The following LDHAL6B variants were observed in gnomAD, a reference collection of about 807,000 sequenced individuals.
The protein encoded by LDHAL6B is L-lactate dehydrogenase A-like 6B.
For missense variants in LDHAL6B, 523 were observed against 473.9 expected, an observed-to-expected ratio of 1.10 and a Z score of -0.96; for synonymous variants, 205 against 170.6, an observed-to-expected ratio of 1.20 and a Z score of -1.57.
chr15:59,207,134 A>C lies in LDHAL6B; in HGVS notation c.194A>C (p.Lys65Thr). 1 of 1,614,222 alleles carries C rather than the reference A, an allele frequency of 6.2e-7. No homozygotes were observed. Among genetic ancestry groups the C allele is most frequent in the Non-Finnish European group, 8.5e-7 (1 of 1,180,038 alleles). ...CTTATTGAGCGTTTCACTTCCGAGA[A>C]GCCCGTTCATCACAGTAAGGTCTCC... Reference protein sequence around the residue: ...SELIERFTSEKPVHHSKVSII... With the variant: ...SELIERFTSETPVHHSKVSII... The change falls in exon 1 of 1, where the codon AAG becomes ACG. Residue 65 changes from lysine to threonine, a missense_variant. Transcript: ENST00000307144.
At position 59,208,524 on chromosome 15, in the gene LDHAL6B, T is replaced by C. The variant is rs2079855412; in HGVS notation, c.*438T>C. 1 of 868,594 alleles carries C rather than the reference T, an allele frequency of 1.2e-6. No homozygotes were observed. Among genetic ancestry groups the C allele is most frequent in the African/African-American group, 1.7e-5 (1 of 59,142 alleles). The allele number at this position is 868,594 out of a possible 1,614,324, so 53.8% of individuals were successfully genotyped here. On this transcript the variant is annotated 3_prime_UTR_variant, in exon 1 of 1. Coordinates refer to ENST00000307144, the MANE Select transcript of LDHAL6B (RefSeq NM_033195.3). ...ATGTACATACAAAAAAATGCAGTAG[T>C]ATATACAATCTTTTGTTTTGCTTCC...
In LDHAL6B at chr15:59,206,905, T is replaced by C; in HGVS notation, c.-36T>C. Reference sequence around the variant, plus strand: ...CTCAACGTTCGGATCAGCAGCTTTTTTCCATTCTCTCTCTCCACTTCTTCA... The same window carrying C: ...CTCAACGTTCGGATCAGCAGCTTTTCTCCATTCTCTCTCTCCACTTCTTCA... On this transcript the variant is annotated 5_prime_UTR_variant, in exon 1 of 1. Coordinates refer to ENST00000307144, the MANE Select transcript of LDHAL6B (RefSeq NM_033195.3). 1 of 1,585,718 alleles carries C rather than the reference T, an allele frequency of 6.3e-7. No homozygotes were observed. Among genetic ancestry groups the C allele is most frequent in the South Asian group, 1.2e-5 (1 of 86,678 alleles).
chr15:59,207,013 G>C lies in LDHAL6B; in HGVS notation c.73G>C (p.Gly25Arg). 5 of 1,614,202 alleles carry C rather than the reference G, an allele frequency of 3.1e-6. No homozygotes were observed. Among genetic ancestry groups the C allele is most frequent in the Non-Finnish European group, 4.2e-6 (5 of 1,180,036 alleles). Residue 25 changes from glycine to arginine, a missense_variant, in exon 1 of 1, where the codon GGG (glycine) becomes CGG (arginine). Transcript: ENST00000307144. ...SSVGANFLCL[G>R]MALCPRQATR... ...GGTGGGAGCGAATTTCCTATGCCTGGGGATGGCCCTGTGTCCGCGTCAAGC... is the reference window on the plus strand; with the variant it reads ...GGTGGGAGCGAATTTCCTATGCCTGCGGATGGCCCTGTGTCCGCGTCAAGC...
chr15:59,206,874 T>C lies in LDHAL6B; in HGVS notation c.-67T>C, dbSNP rs1219470290. The C allele has an allele frequency of 6.0e-6, 9 of 1,506,620 alleles. No individual in the cohort carries two copies. In the Admixed American group the frequency reaches 1.6e-4, roughly 27 times the overall value. 93.3% of individuals were successfully genotyped at this position (1,506,620 alleles called of 1,614,324 possible). On this transcript the variant is annotated 5_prime_UTR_variant, in exon 1 of 1. Transcript: ENST00000307144. ...CTGAAGGTCCTGCCAACGGCTCTCT[T>C]GGCGTCTCAACGTTCGGATCAGCAG...
At position 59,207,379 on chromosome 15, in the gene LDHAL6B, G is replaced by T. The variant is rs750207330; in HGVS notation, c.439G>T (p.Ala147Ser). The T allele has an allele frequency of 6.2e-6, 10 of 1,614,066 alleles. No individual in the cohort carries two copies. The Middle Eastern group carries it at 5.0e-4, about 80-fold the overall frequency. ...NSNLVIITAG[A>S]RQEKGETRLN... ...CAACCTAGTGATTATCACAGCAGGT[G>T]CACGCCAAGAAAAGGGAGAAACGCG... Residue 147 changes from alanine to serine, a missense_variant, in exon 1 of 1, where the codon GCA (alanine) becomes TCA (serine). Ala to Ser is a moderately conservative substitution (Grantham distance 99). Transcript: ENST00000307144.
At position 59,207,739 on chromosome 15, in the gene LDHAL6B, A is replaced by G. The variant is rs1380286533; in HGVS notation, c.799A>G (p.Ile267Val). The G allele has an allele frequency of 1.2e-6, 2 of 1,614,194 alleles. No homozygotes were observed. Among genetic ancestry groups the G allele is most frequent in the Admixed American group, 1.7e-5 (1 of 60,028 alleles). ...GVPLKDLNSDIGTDKDPEQWK... is the reference protein window; with the variant it reads ...GVPLKDLNSDVGTDKDPEQWK... ...CCCTTTGAAGGATCTGAACTCTGATATAGGAACTGATAAAGATCCTGAGCA... is the reference window on the plus strand; with the variant it reads ...CCCTTTGAAGGATCTGAACTCTGATGTAGGAACTGATAAAGATCCTGAGCA... Residue 267 changes from isoleucine (I) to valine (V), a missense_variant, in exon 1 of 1, where the codon ATA (isoleucine) becomes GTA (valine). By Grantham distance (29) the Ile-to-Val change is conservative. Transcript: ENST00000307144.
rs753545058 is a variant in LDHAL6B, at chr15:59,207,007, T to C, written c.67T>C (p.Cys23Arg). The C allele has an allele frequency of 1.2e-4, 187 of 1,613,912 alleles. 1 individual carries two copies. Among genetic ancestry groups the C allele is most frequent in the Non-Finnish European group, 1.5e-4 (181 of 1,179,976 alleles). ...GAGCTCGGTGGGAGCGAATTTCCTA[T>C]GCCTGGGGATGGCCCTGTGTCCGCG... The part of the protein sequence containing the change: ...RVSSVGANFL[C>R]LGMALCPRQA... The change falls in exon 1 of 1, where the codon TGC (cysteine) becomes CGC (arginine). Residue 23 changes from cysteine to arginine, a missense_variant. Cys to Arg is a radical substitution (Grantham distance 180). Coordinates refer to ENST00000307144, the MANE Select transcript of LDHAL6B (RefSeq NM_033195.3).
Position 59,207,120 on chromosome 15 carries a change from T to A in LDHAL6B, c.180T>A (p.Arg60=). Residue 60 remains arginine, a synonymous_variant, in exon 1 of 1, where the codon CGT becomes CGA. Transcript: ENST00000307144. ...CTGTGAAGAGTGAGCTTATTGAGCGTTTCACTTCCGAGAAGCCCGTTCATC... is the reference window on the plus strand; with the variant it reads ...CTGTGAAGAGTGAGCTTATTGAGCGATTCACTTCCGAGAAGCCCGTTCATC... The part of the protein sequence containing the change: ...MATVKSELIE[R]FTSEKPVHHS... 2.5e-6 allele frequency: 4 copies of A among 1,614,192 alleles called. No homozygotes were observed. Among genetic ancestry groups the A allele is most frequent in the Non-Finnish European group, 3.4e-6 (4 of 1,180,024 alleles).
In LDHAL6B at chr15:59,206,896, G is replaced by T; in HGVS notation, c.-45G>T. Reference sequence around the variant, plus strand: ...TCTTGGCGTCTCAACGTTCGGATCAGCAGCTTTTTTCCATTCTCTCTCTCC... The same window carrying T: ...TCTTGGCGTCTCAACGTTCGGATCATCAGCTTTTTTCCATTCTCTCTCTCC... On this transcript the variant is annotated 5_prime_UTR_variant, in exon 1 of 1. Transcript: ENST00000307144. 6.4e-7 allele frequency: 1 copy of T among 1,573,604 alleles called. No homozygotes were observed. The highest frequency in any genetic ancestry group is 1.7e-4 in the Middle Eastern group (1 of 5,844).
rs756853291 is a variant in LDHAL6B at position 59,207,216 on chromosome 15, C to A, written c.276C>A (p.Gly92=). The part of the protein sequence containing the change: ...MACAISILLK[G]LSDELALVDL... ...GCGCTATCAGCATCTTATTAAAAGG[C>A]TTGAGTGATGAACTTGCCCTTGTGG... is the stretch of plus-strand genomic sequence containing the variant. Residue 92 remains glycine (G), a synonymous_variant, in exon 1 of 1, where the codon GGC becomes GGA. Transcript: ENST00000307144. 1.2e-5 allele frequency: 20 copies of A among 1,614,210 alleles called. No individual in the cohort carries two copies. The highest frequency in any genetic ancestry group is 1.6e-5 in the Non-Finnish European group (19 of 1,180,048).
chr15:59,207,027 T>A, the LDHAL6B span: 11 of 1,614,136 alleles, frequency 6.8e-6, no homozygotes, highest in Non-Finnish European at 9.3e-6. Flanking sequence ...TGGCCCTGTG[T>A]CCGCGTCAAG....
rs150242372 is a variant in LDHAL6B, at chr15:59,207,952, C to T, written c.1012C>T (p.Leu338Phe). ...CTATGGAATAGATGAAGAAGTATTC[C>T]TCAGTATTCCTTGTATCCTGGGAGA... ...GLYGIDEEVFLSIPCILGENG... is the reference protein window; with the variant it reads ...GLYGIDEEVFFSIPCILGENG... Residue 338 changes from leucine (L) to phenylalanine (F), a missense_variant, in exon 1 of 1, where the codon CTC (leucine) becomes TTC (phenylalanine). Leu to Phe is a conservative substitution (Grantham distance 22, BLOSUM62 0). Coordinates refer to ENST00000307144, the MANE Select transcript of LDHAL6B (RefSeq NM_033195.3). 1.2e-5 allele frequency: 20 copies of T among 1,613,852 alleles called. No individual in the cohort carries two copies. The highest frequency in any genetic ancestry group is 1.5e-5 in the Non-Finnish European group (18 of 1,179,908).
At chr15:59,208,016 CT>C in the LDHAL6B span, 15 of 1,606,452 alleles carry the variant, frequency 9.3e-6, no homozygotes, top group Non-Finnish European at 1.3e-5. Flanking sequence ...AAGCTGACCC[CT>C]GAAGAAGAGG....
rs1388385580 is a variant in LDHAL6B at position 59,208,569 on chromosome 15, C to T, written c.*483C>T. 56 of 1,317,182 alleles carry T rather than the reference C, an allele frequency of 4.3e-5. No individual in the cohort carries two copies. The highest frequency in any genetic ancestry group is 3.5e-4 in the East Asian group (15 of 43,240). 81.6% of individuals were successfully genotyped at this position (1,317,182 alleles called of 1,614,324 possible). On this transcript the variant is annotated 3_prime_UTR_variant, in exon 1 of 1. Transcript: ENST00000307144. ...GCTTCCTTTGATAGTTAATAAATTC[C>T]GTTTGTTGAATCAATAAAATACGGC...
Position 59,207,118 on chromosome 15 carries a change from C to G in LDHAL6B, c.178C>G (p.Arg60Gly). The G allele has an allele frequency of 6.2e-7, 1 of 1,614,188 alleles. No homozygotes were observed. The highest frequency in any genetic ancestry group is 8.5e-7 in the Non-Finnish European group (1 of 1,180,028). Reference sequence around the variant, plus strand: ...GACTGTGAAGAGTGAGCTTATTGAGCGTTTCACTTCCGAGAAGCCCGTTCA... The same window carrying G: ...GACTGTGAAGAGTGAGCTTATTGAGGGTTTCACTTCCGAGAAGCCCGTTCA... ...MATVKSELIE[R>G]FTSEKPVHHS... is the part of the protein sequence containing the mutation. The change falls in exon 1 of 1, where the codon CGT (arginine) becomes GGT (glycine). Residue 60 changes from arginine (R) to glycine (G), a missense_variant. By Grantham distance (125) the Arg-to-Gly change is moderately radical (BLOSUM62 -2). Transcript: ENST00000307144.
rs201738229 is a variant in LDHAL6B at position 59,207,458 on chromosome 15, T to C, written c.518T>C (p.Ile173Thr). ...ATCTTCAAGTTAATGATTTCCAGTATTGTCCAGTACAGCCCCCACTGCAAA... is the reference window on the plus strand; with the variant it reads ...ATCTTCAAGTTAATGATTTCCAGTACTGTCCAGTACAGCCCCCACTGCAAA... ...VAIFKLMISS[I>T]VQYSPHCKLI... The change falls in exon 1 of 1, where the codon ATT becomes ACT. Residue 173 changes from isoleucine to threonine, a missense_variant. Coordinates refer to ENST00000307144, the MANE Select transcript of LDHAL6B (RefSeq NM_033195.3). 11 of 1,614,040 alleles carry C rather than the reference T, an allele frequency of 6.8e-6. No individual in the cohort carries two copies. The highest frequency in any genetic ancestry group is 3.3e-5 in the South Asian group (3 of 91,082).
chr15:59,207,757 C>T lies in LDHAL6B; in HGVS notation c.817C>T (p.Pro273Ser). 1.2e-6 allele frequency: 2 copies of T among 1,614,132 alleles called. No homozygotes were observed. Among genetic ancestry groups the T allele is most frequent in the Non-Finnish European group, 8.5e-7 (1 of 1,180,042 alleles). Reference sequence around the variant, plus strand: ...CTCTGATATAGGAACTGATAAAGATCCTGAGCAATGGAAAAATGTCCACAA... The same window carrying T: ...CTCTGATATAGGAACTGATAAAGATTCTGAGCAATGGAAAAATGTCCACAA... ...LNSDIGTDKD[P>S]EQWKNVHKEV... Residue 273 changes from proline (P) to serine (S), a missense_variant, in exon 1 of 1, where the codon CCT becomes TCT. By Grantham distance (74) the Pro-to-Ser change is moderately conservative. Transcript: ENST00000307144.
In LDHAL6B at chr15:59,208,157, A is replaced by T; in HGVS notation, c.*71A>T. On this transcript the variant is annotated 3_prime_UTR_variant, in exon 1 of 1. Coordinates refer to ENST00000307144, the MANE Select transcript of LDHAL6B (RefSeq NM_033195.3). ...TACAGGATTATATAACGAAATTTTGAATAAACTTGAATTCCTAAAAGATGG... is the reference window on the plus strand; with the variant it reads ...TACAGGATTATATAACGAAATTTTGTATAAACTTGAATTCCTAAAAGATGG... The T allele has an allele frequency of 1.5e-6, 2 of 1,322,872 alleles. No individual in the cohort carries two copies. Among genetic ancestry groups the T allele is most frequent in the Non-Finnish European group, 2.1e-6 (2 of 972,024 alleles). The allele number at this position is 1,322,872 out of a possible 1,614,324, so 81.9% of individuals were successfully genotyped here.
Position 59,206,976 on chromosome 15 carries a change from G to A in LDHAL6B, c.36G>A (p.Gln12=), listed in dbSNP as rs374748846. Residue 12 remains glutamine, a synonymous_variant, in exon 1 of 1, where the codon CAG becomes CAA. Transcript: ENST00000307144. Reference sequence around the variant, plus strand: ...CTGTGCCTGTTGTGCGGGCCAGCCAGAGAGTGAGCTCGGTGGGAGCGAATT... The same window carrying A: ...CTGTGCCTGTTGTGCGGGCCAGCCAAAGAGTGAGCTCGGTGGGAGCGAATT... ...SWTVPVVRAS[Q]RVSSVGANFL... 5.1e-5 allele frequency: 82 copies of A among 1,614,142 alleles called. No individual in the cohort carries two copies. In the African/African-American group the frequency reaches 7.9e-4, roughly 15 times the overall value.
Sources: gnomAD v4.1 joint callset for allele counts on GRCh38, gnomAD v4.1.1 for gene constraint, MANE v1.5 for transcripts, NCBI Gene and HGNC (gene_info 2026-07-23, HGNC 2026-07-21) for gene names.